The following CLNS1A variants were observed in gnomAD, a reference collection of about 807,000 sequenced individuals.
CLNS1A encodes the protein chloride nucleotide-sensitive channel 1A, also known as methylosome subunit pICln.
CLNS1A carries 16 observed loss-of-function variants against 29.4 expected under a neutral mutation model. The ratio of observed to expected loss-of-function variants is 0.54; its 90% CI spans 0.37 to 0.83. The LOEUF is 0.83. CLNS1A is among the 40% of genes least tolerant of loss of function. CLNS1A has a pLI of 0.00. For synonymous variants in CLNS1A, 96 were observed against 104.8 expected (o/e 0.92, Z 0.51); for missense variants, 235 against 287.4 (o/e 0.82, Z 1.32).
At chr11:77,632,811 G>A (rs1270214566) in intron 1 of CLNS1A, among the ~76,000 whole-genome samples, 4 of 152,034 alleles carry the variant, frequency 2.6e-5, no homozygotes, top group Non-Finnish European at 5.9e-5. Flanking sequence ...TAAGCCGAGC[G>A]TGGTGGCTCA....
chr11:77,620,821 A>C lies in CLNS1A; in HGVS notation c.647-1126T>G, dbSNP rs1168538413. Among the ~76,000 whole-genome samples, 3 of 151,336 alleles carry C rather than the reference A, an allele frequency of 2.0e-5. No individual in the cohort carries two copies. The East Asian group carries it at 5.8e-4, about 29-fold the overall frequency. On this transcript the variant is annotated intron_variant, in intron 5 of 6. Transcript: ENST00000525428. ...ACATGGTGAAACCCCGCCTCTACTA[A>C]AAATACAAAAATTAGCCAGGCATGG...
intron 2 of CLNS1A, among the ~76,000 whole-genome samples, chr11:77,629,309 C>G (rs971613690): frequency 4.6e-5 from 7 of 152,240 alleles, no homozygotes; most frequent in African/African-American, 1.7e-4. Context: ...GTCCAAGTTG[C>G]TGTGCTGAAA....
At chr11:77,632,904 TG>T (rs1959088872) in intron 1 of CLNS1A, among the ~76,000 whole-genome samples, 1 of 151,852 alleles carries the variant, frequency 6.6e-6, no homozygotes, top group African/African-American at 2.4e-5. Flanking sequence ...ACTACCAACA[TG>T]GCGAAACCCT....
At chr11:77,619,747 T>C (rs1367874993) in intron 5 of CLNS1A, 52 bp from the exon 6 acceptor site, 8 of 1,217,234 alleles carry the variant, frequency 6.6e-6, no homozygotes, top group East Asian at 2.3e-5. Context: ...TTCAGACAGG[T>C]AGATTCAACT....
At chr11:77,627,185 G>A (rs1016033830) in intron 2 of CLNS1A, among the ~76,000 whole-genome samples, 6 of 151,672 alleles carry the variant, frequency 4.0e-5, no homozygotes, top group Non-Finnish European at 7.4e-5. Flanking sequence ...TGTAATCCCA[G>A]CCCTTTGGGA....
At chr11:77,634,976 T>C (rs1040931737) in intron 1 of CLNS1A, among the ~76,000 whole-genome samples, 3 of 152,106 alleles carry the variant, frequency 2.0e-5, no homozygotes, top group African/African-American at 7.2e-5. Flanking sequence ...TTGCAGTTTT[T>C]GTATTCTTTG....
chr11:77,628,349 G>A (rs1387494687), intron 2 of CLNS1A, among the ~76,000 whole-genome samples: 2 of 152,120 alleles, frequency 1.3e-5, no homozygotes, highest in African/African-American at 2.4e-5. Flanking sequence ...AATATTCTTG[G>A]TTATAAAATC....
At chr11:77,622,214 G>A (rs1007207364) in intron 5 of CLNS1A, among the ~76,000 whole-genome samples, 29 of 151,934 alleles carry the variant, frequency 1.9e-4, no homozygotes, top group African/African-American at 5.8e-4. Context: ...AATTAATAGT[G>A]GATATCTCTC....
chr11:77,633,808 T>C (rs779765228), intron 1 of CLNS1A, among the ~76,000 whole-genome samples: 2 of 152,088 alleles, frequency 1.3e-5, no homozygotes. Flanking sequence ...TGGATAAAAA[T>C]TCAACTTCCT....
At chr11:77,619,349 T>C (rs1461532126) in intron 6 of CLNS1A, 3 of 371,548 alleles carry the variant, frequency 8.1e-6, no homozygotes, top group Non-Finnish European at 1.0e-5. Flanking sequence ...CTGGGCAACA[T>C]GTGAGACCTT....
chr11:77,622,722 C>A, intron 4 of CLNS1A, 49 bp from the exon 5 acceptor site: 1 of 1,397,178 alleles, frequency 7.2e-7, no homozygotes, highest in Non-Finnish European at 9.7e-7. Context: ...TTAGAAAAAA[C>A]AAAATGGAAT....
intron 1 of CLNS1A, among the ~76,000 whole-genome samples, chr11:77,631,683 C>T (rs1400881900): frequency 6.6e-6 from 1 of 151,434 alleles, no homozygotes; most frequent in Admixed American, 6.6e-5. Context: ...AGATTTCTAT[C>T]CAACATTCTT....
At chr11:77,628,622 A>G (rs60929773) in intron 2 of CLNS1A, among the ~76,000 whole-genome samples, 26,230 of 152,198 alleles carry the variant, frequency 0.17, 2,820 homozygotes, top group African/African-American at 0.28. Flanking sequence ...GAATTACTAA[A>G]TAGTTTCACA....
At chr11:77,633,019 G>A (rs1327670831) in intron 1 of CLNS1A, among the ~76,000 whole-genome samples, 3 of 150,348 alleles carry the variant, frequency 2.0e-5, no homozygotes, top group East Asian at 1.9e-4. Context: ...TCCAGGAGGC[G>A]GAGGTTGCAG....
chr11:77,622,506 A>C lies in CLNS1A; in HGVS notation c.640T>G (p.Tyr214Asp). 6.3e-7 allele frequency: 1 copy of C among 1,589,594 alleles called. No homozygotes were observed. Among genetic ancestry groups the C allele is most frequent in the African/African-American group, 1.4e-5 (1 of 73,940 alleles). Reference sequence around the variant, plus strand: ...ACTGCAAAAGGACACTCACCTTCATAATCTCTTATTGAATCTTCTGTCCTG... The same window carrying C: ...ACTGCAAAAGGACACTCACCTTCATCATCTCTTATTGAATCTTCTGTCCTG... ...GVRTEDSIRD[Y>D]EDGMEVDTTP... Residue 214 changes from tyrosine to aspartate, a missense_variant, in exon 5 of 7, where the codon TAT becomes GAT. Coordinates refer to ENST00000525428, the MANE Select transcript of CLNS1A (RefSeq NM_001293.3).
chr11:77,621,868 C>G (rs1590794904), intron 5 of CLNS1A: 1 of 430,444 alleles, frequency 2.3e-6, no homozygotes, highest in African/African-American at 2.0e-5. Flanking sequence ...AGACTCACCT[C>G]CCCTGAGCAA....
At position 77,623,849 on chromosome 11, in the gene CLNS1A, T is replaced by C. The variant is rs73504713; in HGVS notation, c.472+1114A>G. 2.2e-3 allele frequency among the ~76,000 whole-genome samples: 335 copies of C among 152,330 alleles called. 3 individuals are homozygous for C. The highest frequency in any genetic ancestry group is 7.2e-3 in the African/African-American group (301 of 41,580). ...GTACTTCAAGCTATAAAGACTCTTA[T>C]CACGCTAGTGACTGCATTCTGGTCT... On this transcript the variant is annotated intron_variant, in intron 4 of 6. Coordinates refer to ENST00000525428, the MANE Select transcript of CLNS1A (RefSeq NM_001293.3).
intron 1 of CLNS1A, among the ~76,000 whole-genome samples, 191 bp downstream of exon 1, chr11:77,637,399 T>G (rs1164703356): frequency 7.1e-6 from 1 of 140,660 alleles, no homozygotes; most frequent in Non-Finnish European, 1.5e-5. Context: ...AAACAGAGAA[T>G]GGAAGACTCC....
chr11:77,631,731 A>G (rs555721437), intron 1 of CLNS1A, among the ~76,000 whole-genome samples: 5 of 151,842 alleles, frequency 3.3e-5, no homozygotes, highest in Admixed American at 6.6e-5. Flanking sequence ...TAGGAAGCTT[A>G]TAAGTGATAA....
Sources: allele counts gnomAD v4.1 joint callset (sites outside exome capture counted in the v4.1 genomes callset), GRCh38; gene constraint gnomAD v4.1.1; transcripts MANE v1.5; gene names NCBI Gene and HGNC (gene_info 2026-07-23, HGNC 2026-07-21).